The following SYNRG variants were observed in gnomAD, a reference collection of about 807,000 sequenced individuals.
SYNRG encodes synergin gamma, also known as AP1 gamma subunit binding protein 1.
Under a neutral mutation model 130.9 loss-of-function variants are expected in SYNRG, and 37 were observed. The observed-to-expected ratio is 0.28, with a 90% CI of 0.22 to 0.37. SYNRG has a LOEUF of 0.37. SYNRG is among the 10% of genes least tolerant of loss of function. The pLI is 1.00. For missense variants in SYNRG, 1,338 were observed against 1,588.9 expected, an observed-to-expected ratio of 0.84 and a Z score of 2.68; for synonymous variants, 539 against 568.1, an observed-to-expected ratio of 0.95 and a Z score of 0.73.
chr17:37,588,471 T>C (rs566828510), intron 3 of SYNRG, among the ~76,000 whole-genome samples: 3 of 152,100 alleles, frequency 2.0e-5, no homozygotes, highest in African/African-American at 7.2e-5. Context: ...CCAGGTTGGC[T>C]AGGCTGGTCT....
chr17:37,520,161 G>A lies in SYNRG; in HGVS notation c.3813+18C>T. The A allele has an allele frequency of 6.2e-7, 1 of 1,614,052 alleles. No homozygotes were observed. The highest frequency in any genetic ancestry group is 8.5e-7 in the Non-Finnish European group (1 of 1,179,952). Reference sequence around the variant, plus strand: ...AATTAAAATGGAGACGCTAAGATAAGGTGTAACTGGTTCATACTTTTTTAG... The same window carrying A: ...AATTAAAATGGAGACGCTAAGATAAAGTGTAACTGGTTCATACTTTTTTAG... On this transcript the variant is annotated intron_variant, in intron 21 of 21. Transcript: ENST00000612223.
In SYNRG at chr17:37,554,011, G is replaced by A. The variant is rs1276196277; in HGVS notation, c.1712C>T (p.Thr571Ile). The change falls in exon 14 of 22, where the codon ACC becomes ATC. Residue 571 changes from threonine to isoleucine, a missense_variant. Around this residue, in one of 3 missense-constraint regions of SYNRG, gnomAD observed 1,146 missense variants for 1,342.3 expected, o/e 0.85. Transcript: ENST00000612223. ...FRSAGTDDGF[T>I]DFKTADSVSP... ...TACACTATCGGCTGTTTTAAAATCG[G>A]TGAAACCATCATCAGTTCCTGCAGA... The A allele has an allele frequency of 2.5e-6, 4 of 1,606,928 alleles. No homozygotes were observed. The highest frequency in any genetic ancestry group is 2.2e-5 in the South Asian group (2 of 89,326).
chr17:37,555,217 C>T (rs1336521428), intron 13 of SYNRG, among the ~76,000 whole-genome samples: 2 of 152,112 alleles, frequency 1.3e-5, no homozygotes, highest in African/African-American at 4.8e-5. Flanking sequence ...ACCTCCACCT[C>T]CCAGGTTCAA....
intron 1 of SYNRG, among the ~76,000 whole-genome samples, chr17:37,606,448 A>G (rs188078294): frequency 5.7e-4 from 87 of 152,350 alleles, no homozygotes; most frequent in Non-Finnish European, 5.9e-5. Context: ...TTCACAGATG[A>G]TAACATCCCA....
chr17:37,519,094 T>A, intron 21 of SYNRG, 23 bp from the exon 22 acceptor site: 1 of 1,609,046 alleles, frequency 6.2e-7, no homozygotes. Context: ...AACAGAGATG[T>A]GGGGCAAGTC....
chr17:37,580,247 A>G (rs1296645948), intron 6 of SYNRG, among the ~76,000 whole-genome samples: 1 of 152,030 alleles, frequency 6.6e-6, no homozygotes, highest in Non-Finnish European at 1.5e-5. Flanking sequence ...ACTTGCATAG[A>G]TCATATTTCA....
At chr17:37,594,487 G>GA in intron 3 of SYNRG, among the ~76,000 whole-genome samples, 1 of 140,748 alleles carries the variant, frequency 7.1e-6, no homozygotes. Flanking sequence ...TTTTGAGATG[G>GA]AATCTCACTC....
chr17:37,538,897 A>T lies in SYNRG; in HGVS notation c.3420+295T>A, dbSNP rs1002378711. ...TGTTGAGCCACCGCACCCAGCCAAG[A>T]CAGGTTCTTTAGCTTAAATATTATT... On this transcript the variant is annotated intron_variant, in intron 17 of 21. Coordinates refer to ENST00000612223, the MANE Select transcript of SYNRG (RefSeq NM_007247.6). 5.8e-6 allele frequency: 3 copies of T among 519,128 alleles called. No homozygotes were observed. In the African/African-American group the frequency reaches 6.3e-5, roughly 11 times the overall value. 32.2% of individuals were successfully genotyped at this position (519,128 alleles called of 1,614,324 possible). A position where few individuals can be genotyped will look rare whatever the true frequency, so the allele number is the denominator to read the frequency against.
At chr17:37,572,602 G>A (rs1449003463) in intron 8 of SYNRG, among the ~76,000 whole-genome samples, 1 of 152,192 alleles carries the variant, frequency 6.6e-6, no homozygotes. Flanking sequence ...TACAAGAGAA[G>A]CTGTAGAGTA....
At chr17:37,552,711 C>T (rs1197397658) in intron 14 of SYNRG, among the ~76,000 whole-genome samples, 1 of 152,156 alleles carries the variant, frequency 6.6e-6, no homozygotes, top group Non-Finnish European at 1.5e-5. Flanking sequence ...CTGGCAGTTG[C>T]TGTGTATACC....
At chr17:37,581,787 C>T (rs2061363270) in intron 6 of SYNRG, among the ~76,000 whole-genome samples, 3 of 126,594 alleles carry the variant, frequency 2.4e-5, no homozygotes. Flanking sequence ...TTTTTTGAGA[C>T]AGAGTCTGGC....
intron 19 of SYNRG, among the ~76,000 whole-genome samples, chr17:37,531,321 G>T (rs1449996531): frequency 1.3e-5 from 2 of 152,100 alleles, no homozygotes; most frequent in African/African-American, 4.8e-5. Flanking sequence ...AGTGGGCAAG[G>T]GTAACAAGGG....
Position 37,584,655 on chromosome 17 carries a change from C to T in SYNRG, c.582G>A (p.Lys194=), listed in dbSNP as rs1335695034. The change falls in exon 6 of 22, where the codon AAG becomes AAA. Residue 194 remains lysine, a synonymous_variant. Transcript: ENST00000612223. ...KMHPTPASHP[K]KPGPSLEEKF... Reference sequence around the variant, plus strand: ...AATGCCTCTTAAAACTACCTGGTTTCTTGGGGTGCGATGCTGGAGTAGGGT... The same window carrying T: ...AATGCCTCTTAAAACTACCTGGTTTTTTGGGGTGCGATGCTGGAGTAGGGT... 1 of 1,612,970 alleles carries T rather than the reference C, an allele frequency of 6.2e-7. No individual in the cohort carries two copies. The highest frequency in any genetic ancestry group is 8.5e-7 in the Non-Finnish European group (1 of 1,179,236).
intron 11 of SYNRG, among the ~76,000 whole-genome samples, chr17:37,566,189 G>C (rs1473000699): frequency 6.6e-6 from 1 of 152,250 alleles, no homozygotes; most frequent in Non-Finnish European, 1.5e-5. Flanking sequence ...TTGTGGAATA[G>C]AAAGGCGGGA....
At chr17:37,549,475 C>T (rs1259014094) in intron 14 of SYNRG, among the ~76,000 whole-genome samples, 1 of 151,914 alleles carries the variant, frequency 6.6e-6, no homozygotes, top group African/African-American at 2.4e-5. Context: ...CCTAAAGTAA[C>T]ATGTTTTAAG....
At chr17:37,563,551 A>G (rs551600139) in intron 11 of SYNRG, among the ~76,000 whole-genome samples, 3 of 152,286 alleles carry the variant, frequency 2.0e-5, no homozygotes, top group Non-Finnish European at 4.4e-5. Flanking sequence ...TTTTTGAGAC[A>G]GTGTCTTGCT....
intron 6 of SYNRG, among the ~76,000 whole-genome samples, chr17:37,579,883 CCT>C (rs1461651414): frequency 6.6e-6 from 1 of 151,916 alleles, no homozygotes; most frequent in Non-Finnish European, 1.5e-5. Flanking sequence ...GCTAATTCTT[CCT>C]TTCTTTTTTT....
intron 7 of SYNRG, among the ~76,000 whole-genome samples, chr17:37,576,966 C>A (rs905643843): frequency 1.3e-4 from 20 of 152,114 alleles, no homozygotes; most frequent in Admixed American, 1.3e-3. Context: ...CAATTTAGAT[C>A]TTTTAGGCAG....
intron 1 of SYNRG, among the ~76,000 whole-genome samples, chr17:37,608,955 A>AG (rs2064092760): frequency 6.6e-6 from 1 of 152,048 alleles, no homozygotes; most frequent in East Asian, 1.9e-4. Flanking sequence ...AGCTAGGACT[A>AG]GGAGCGGAGT....
Sources: allele counts gnomAD v4.1 joint callset (sites outside exome capture counted in the v4.1 genomes callset), GRCh38; gene constraint gnomAD v4.1.1; regional missense constraint gnomAD v4.1.1; transcripts MANE v1.5; gene names NCBI Gene and HGNC (gene_info 2026-07-23, HGNC 2026-07-21).